The following HERC1 variants were observed in gnomAD, a reference collection of about 807,000 sequenced individuals.
HERC1 encodes probable E3 ubiquitin-protein ligase HERC1.
HERC1 carries 160 observed loss-of-function variants against 554.3 expected under a neutral mutation model. The observed-to-expected ratio is 0.29, with a 90% CI of 0.25 to 0.33. The LOEUF (loss-of-function observed/expected upper bound fraction) is 0.33, where lower values mean the gene tolerates loss of function less well. HERC1 is among the 10% of genes least tolerant of loss of function. HERC1 has a pLI of 1.00. For missense variants in HERC1, 4,919 were observed against 5,918.5 expected (o/e 0.83, Z 5.54); for synonymous variants, 2,175 against 2,131.7 (o/e 1.02, Z -0.56).
At chr15:63,773,298 G>C (rs748142009) in intron 2 of HERC1, among the ~76,000 whole-genome samples, 17 of 151,838 alleles carry the variant, frequency 1.1e-4, no homozygotes, top group Middle Eastern at 3.4e-3. Flanking sequence ...ACAAAAATTA[G>C]CCGGGCATGC....
intron 39 of HERC1, among the ~76,000 whole-genome samples, chr15:63,669,919 C>T (rs2070817458): frequency 1.3e-5 from 2 of 152,052 alleles, no homozygotes; most frequent in Admixed American, 1.3e-4. Context: ...CAGCAAAATG[C>T]CAGCAACAAA....
At chr15:63,768,520 G>C (rs1220199203) in intron 2 of HERC1, among the ~76,000 whole-genome samples, 1 of 152,184 alleles carries the variant, frequency 6.6e-6, no homozygotes, top group Non-Finnish European at 1.5e-5. Context: ...AAATTCCCTA[G>C]TTAGCTGTGA....
intron 12 of HERC1, among the ~76,000 whole-genome samples, chr15:63,736,610 CTCTTT>C (rs1327025878): frequency 2.5e-5 from 2 of 78,846 alleles, no homozygotes; most frequent in African/African-American, 4.3e-5. Context: ...GCATCACACT[CTCTTT>C]TTTTTTTTTT....
intron 1 of HERC1, among the ~76,000 whole-genome samples, chr15:63,776,573 G>A (rs145364790): frequency 2.0e-5 from 3 of 152,274 alleles, no homozygotes; most frequent in East Asian, 3.9e-4. Flanking sequence ...GCCTCTAGAG[G>A]GTGACAGCAT....
intron 34 of HERC1, among the ~76,000 whole-genome samples, chr15:63,682,966 T>C (rs531548900): frequency 6.6e-6 from 1 of 151,888 alleles, no homozygotes; most frequent in Non-Finnish European, 1.5e-5. Context: ...TGAAACCTTA[T>C]ATCTACTAAA....
At chr15:63,810,785 A>G (rs2077280696) in intron 1 of HERC1, among the ~76,000 whole-genome samples, 1 of 152,234 alleles carries the variant, frequency 6.6e-6, no homozygotes, top group African/African-American at 2.4e-5. Context: ...TTTGCAAAGA[A>G]ATAATCTGGT....
intron 1 of HERC1, among the ~76,000 whole-genome samples, chr15:63,826,799 AAAAAAAAAAAAAAAAATATATATATAT>A (rs1434632437): frequency 1.3e-5 from 1 of 79,578 alleles, no homozygotes; most frequent in Non-Finnish European, 2.5e-5. Context: ...AAAAAAAAAA[AAAAAAAAAAAAAAAAATATATATATAT>A]ATATATATAT....
intron 26 of HERC1, among the ~76,000 whole-genome samples, chr15:63,697,621 A>T (rs191576240): frequency 2.0e-5 from 3 of 151,924 alleles, no homozygotes; most frequent in African/African-American, 7.2e-5. Context: ...CGCCCAGTTA[A>T]TTTTTGTATT....
intron 50 of HERC1, 96 bp downstream of exon 50, chr15:63,655,646 C>T (rs1200273301): frequency 7.0e-6 from 6 of 853,946 alleles, no homozygotes; most frequent in South Asian, 1.9e-5. Flanking sequence ...AAGAAACTCA[C>T]GTCATATAAT....
At chr15:63,704,546 T>A (rs1035877321) in intron 25 of HERC1, among the ~76,000 whole-genome samples, 1 of 152,150 alleles carries the variant, frequency 6.6e-6, no homozygotes, top group African/African-American at 2.4e-5. Flanking sequence ...TTTATTAATA[T>A]AACATACAAC....
intron 48 of HERC1, among the ~76,000 whole-genome samples, chr15:63,656,857 G>T (rs1012939164): frequency 6.6e-6 from 1 of 152,142 alleles, no homozygotes; most frequent in African/African-American, 2.4e-5. Flanking sequence ...ATGTTTGTAA[G>T]ATTCATCCAA....
Position 63,645,528 on chromosome 15 carries a change from C to G in HERC1, c.11033G>C (p.Cys3678Ser). ...HPSIVNGIAW[C>S]RLPGKGSKLQ... ...CTTGGATCCTTTCCCTGGAAGGCGG[C>G]ACCAAGCAATGCCATTTACAATAGA... Residue 3678 changes from cysteine to serine, a missense_variant, in exon 56 of 78, where the codon TGC (cysteine) becomes TCC (serine). By Grantham distance (112) the Cys-to-Ser change is moderately radical. Around this residue, in one of 11 missense-constraint regions of HERC1, gnomAD observed 1,963 missense variants for 2,228.6 expected, o/e 0.88. Coordinates refer to ENST00000443617, the MANE Select transcript of HERC1 (RefSeq NM_003922.4). The G allele has an allele frequency of 6.2e-7, 1 of 1,612,470 alleles. No individual in the cohort carries two copies. The highest frequency in any genetic ancestry group is 8.5e-7 in the Non-Finnish European group (1 of 1,179,340).
Position 63,674,838 on chromosome 15 carries a change from T to C in HERC1, c.7350A>G (p.Lys2450=). The change falls in exon 38 of 78, where the codon AAA becomes AAG. Residue 2450 remains lysine, a synonymous_variant. Coordinates refer to ENST00000443617, the MANE Select transcript of HERC1 (RefSeq NM_003922.4). ...MRTGLTSDDV[K]SQSTTSSKSE... Reference sequence around the variant, plus strand: ...ATTTGGAGCTTGTGGTACTCTGACTTTTGACGTCATCAGATGTTAGGCCTG... The same window carrying C: ...ATTTGGAGCTTGTGGTACTCTGACTCTTGACGTCATCAGATGTTAGGCCTG... 1 of 1,613,840 alleles carries C rather than the reference T, an allele frequency of 6.2e-7. No homozygotes were observed. Among genetic ancestry groups the C allele is most frequent in the Non-Finnish European group, 8.5e-7 (1 of 1,179,780 alleles).
At chr15:63,652,586 G>A in intron 51 of HERC1, 45 bp from the exon 52 acceptor site, 2 of 1,421,456 alleles carry the variant, frequency 1.4e-6, no homozygotes, top group Non-Finnish European at 1.9e-6. Context: ...CTATTCAAAT[G>A]ATTTTATTAT....
At chr15:63,702,822 C>G (rs554953267) in intron 25 of HERC1, among the ~76,000 whole-genome samples, 5 of 152,232 alleles carry the variant, frequency 3.3e-5, no homozygotes, top group Admixed American at 3.3e-4. Flanking sequence ...GTAAATTTAG[C>G]TGGCCGGGCA....
chr15:63,625,123 T>C (rs1366444331), intron 71 of HERC1, among the ~76,000 whole-genome samples: 2 of 152,154 alleles, frequency 1.3e-5, no homozygotes, highest in Non-Finnish European at 2.9e-5. Flanking sequence ...ATCTCACGCA[T>C]GCACACACAC....
intron 2 of HERC1, among the ~76,000 whole-genome samples, chr15:63,769,817 C>T (rs1831519906): frequency 1.3e-5 from 2 of 152,166 alleles, no homozygotes; most frequent in South Asian, 4.1e-4. Flanking sequence ...GATTATGCCA[C>T]TGCACTCCAG....
rs943232139 is a variant in HERC1 at position 63,666,432 on chromosome 15, A to T, written c.8247T>A (p.Pro2749=). ...GCAAGGGAACTGCAATTGCTGGAGG[A>T]GGAGGAGAAGTTGAAAGTCTACTGC... ...DPSSRLSTSP[P]PPAIAVPLLE... is the part of the protein sequence containing the mutation. The change falls in exon 41 of 78, where the codon CCT becomes CCA. Residue 2749 remains proline (P), a synonymous_variant. Coordinates refer to ENST00000443617, the MANE Select transcript of HERC1 (RefSeq NM_003922.4). 6.2e-7 allele frequency: 1 copy of T among 1,613,596 alleles called. No homozygotes were observed. The highest frequency in any genetic ancestry group is 8.5e-7 in the Non-Finnish European group (1 of 1,179,728).
At chr15:63,730,325 G>A (rs2074237847) in intron 14 of HERC1, among the ~76,000 whole-genome samples, 1 of 151,948 alleles carries the variant, frequency 6.6e-6, no homozygotes, top group Non-Finnish European at 1.5e-5. Flanking sequence ...TGAGCATGGT[G>A]GTGCACACCT....
Sources: allele counts gnomAD v4.1 joint callset (sites outside exome capture counted in the v4.1 genomes callset), GRCh38; gene constraint gnomAD v4.1.1; regional missense constraint gnomAD v4.1.1; transcripts MANE v1.5; gene names NCBI Gene and HGNC (gene_info 2026-07-23, HGNC 2026-07-21).